SUSD4: variants seen among roughly 807,000 people sequenced by gnomAD.
SUSD4 encodes sushi domain-containing protein 4.
In SUSD4, 41 loss-of-function variants were observed where a neutral mutation model predicts 50.5. The ratio of observed to expected loss-of-function variants is 0.81; its 90% CI spans 0.63 to 1.05. The LOEUF is 1.05. Ranked by LOEUF, SUSD4 falls within the 50% of genes least tolerant of loss-of-function variation. The pLI, the probability that SUSD4 is intolerant of heterozygous loss-of-function variation, is 0.00. For synonymous variants in SUSD4, 257 were observed against 257.3 expected, an observed-to-expected ratio of 1.00 and a Z score of 0.01; for missense variants, 580 against 634.7, an observed-to-expected ratio of 0.91 and a Z score of 0.93.
chr1:223,297,347 T>C (rs950162095), intron 2 of SUSD4, among the ~76,000 whole-genome samples: 2 of 152,162 alleles, frequency 1.3e-5, no homozygotes, highest in Non-Finnish European at 2.9e-5. Context: ...ATTGTTGTAC[T>C]AAAATTTTAA....
intron 5 of SUSD4, among the ~76,000 whole-genome samples, chr1:223,234,441 T>A (rs1400293777): frequency 6.6e-6 from 1 of 152,210 alleles, no homozygotes; most frequent in African/African-American, 2.4e-5. Context: ...CTTGTACAGA[T>A]TCATAAACTC....
chr1:223,269,900 A>T (rs944722581), intron 3 of SUSD4, among the ~76,000 whole-genome samples: 2 of 152,150 alleles, frequency 1.3e-5, no homozygotes, highest in Admixed American at 6.5e-5. Flanking sequence ...GCTCTGAGGC[A>T]CTTGGCCCTG....
intron 2 of SUSD4, among the ~76,000 whole-genome samples, chr1:223,328,094 TAA>T (rs879707495): frequency 7.3e-6 from 1 of 136,644 alleles, no homozygotes; most frequent in Non-Finnish European, 1.6e-5. Context: ...TAGTGTTCTC[TAA>T]AAAAAAAAAA....
Position 223,260,014 on chromosome 1 carries a change from T to G in SUSD4, c.724+4616A>C, listed in dbSNP as rs537890956. Among the ~76,000 whole-genome samples the G allele has an allele frequency of 3.3e-5, 5 of 152,280 alleles. No individual in the cohort carries two copies. In the East Asian group the frequency reaches 9.6e-4, roughly 29 times the overall value. ...AGTGGAGACAGAAAAGACAGAAACATGCTACTATTGGTCTCTGGGGAAAAT... is the reference window on the plus strand; with the variant it reads ...AGTGGAGACAGAAAAGACAGAAACAGGCTACTATTGGTCTCTGGGGAAAAT... On this transcript the variant is annotated intron_variant, in intron 5 of 8. Coordinates refer to ENST00000366878, the MANE Select transcript of SUSD4 (RefSeq NM_017982.4).
intron 5 of SUSD4, among the ~76,000 whole-genome samples, chr1:223,246,785 T>G (rs140257452): frequency 6.0e-4 from 91 of 152,266 alleles, no homozygotes; most frequent in African/African-American, 2.1e-3. Flanking sequence ...GGGGCTGAGA[T>G]GAGAACTATG....
chr1:223,359,773 T>A (rs1668868911), intron 2 of SUSD4, among the ~76,000 whole-genome samples: 1 of 152,104 alleles, frequency 6.6e-6, no homozygotes. Flanking sequence ...GGAGCCCAAG[T>A]AAGGGAAGAA....
At chr1:223,278,431 T>C (rs370450925) in intron 3 of SUSD4, among the ~76,000 whole-genome samples, 24 of 152,184 alleles carry the variant, frequency 1.6e-4, no homozygotes, top group African/African-American at 5.1e-4. Context: ...CACGCATGAC[T>C]GGGAGGGTCC....
intron 5 of SUSD4, among the ~76,000 whole-genome samples, chr1:223,236,566 GTA>G (rs1660239357): frequency 4.2e-5 from 6 of 143,016 alleles, no homozygotes; most frequent in African/African-American, 1.6e-4. Context: ...TTTTGTTTTT[GTA>G]TGTGGATGCC....
chr1:223,296,112 G>A lies in SUSD4; in HGVS notation c.149-3461C>T, dbSNP rs561836033. Among the ~76,000 whole-genome samples the A allele has an allele frequency of 2.0e-4, 30 of 152,248 alleles. No individual in the cohort carries two copies. The South Asian group carries it at 6.2e-3, about 32-fold the overall frequency. ...ACAGCCAGTCTAGCACTTGTCTGAG[G>A]GCAGGCATTTGAGAACTGTGGAATT... On this transcript the variant is annotated intron_variant, in intron 2 of 8. Coordinates refer to ENST00000366878, the MANE Select transcript of SUSD4 (RefSeq NM_017982.4).
At chr1:223,287,641 A>G (rs1291684033) in intron 3 of SUSD4, among the ~76,000 whole-genome samples, 1 of 151,860 alleles carries the variant, frequency 6.6e-6, no homozygotes, top group Non-Finnish European at 1.5e-5. Flanking sequence ...CTTGTTTAAG[A>G]CTCTCACTTA....
At chr1:223,254,470 T>C (rs1359971589) in intron 5 of SUSD4, among the ~76,000 whole-genome samples, 3 of 152,138 alleles carry the variant, frequency 2.0e-5, no homozygotes, top group Non-Finnish European at 4.4e-5. Context: ...GGCAAGGTGC[T>C]GAGACAGGAG....
In SUSD4 at chr1:223,227,573, C is replaced by A; in HGVS notation, c.1061+21G>T. ...CATTGAGTCAGACCTTGAGCCACAG[C>A]TGCCAAGACATGACACTGACCTGGG... On this transcript the variant is annotated intron_variant, in intron 7 of 8. Coordinates refer to ENST00000366878, the MANE Select transcript of SUSD4 (RefSeq NM_017982.4). This position sits in a 1 kb window ranked among gnomAD's most constrained non-coding sequence, Gnocchi z 4.5. 1.2e-6 allele frequency: 2 copies of A among 1,609,550 alleles called. No homozygotes were observed. The highest frequency in any genetic ancestry group is 1.7e-6 in the Non-Finnish European group (2 of 1,176,396).
intron 2 of SUSD4, chr1:223,359,084 G>A: frequency 2.1e-6 from 1 of 471,146 alleles, no homozygotes; most frequent in Non-Finnish European, 4.4e-6. Context: ...GGTATGCAGA[G>A]AGGGCCGCTG....
At chr1:223,222,935 C>T (rs2102986143) in intron 8 of SUSD4, among the ~76,000 whole-genome samples, 1 of 152,302 alleles carries the variant, frequency 6.6e-6, no homozygotes, top group South Asian at 2.1e-4. Flanking sequence ...CCAGATCATA[C>T]AGACACCACA....
chr1:223,313,120 C>T (rs1222236516), intron 2 of SUSD4, among the ~76,000 whole-genome samples: 4 of 152,154 alleles, frequency 2.6e-5, no homozygotes, highest in East Asian at 1.9e-4. Flanking sequence ...CTGATGATCT[C>T]CAGATAGTTT....
chr1:223,300,970 G>C (rs1403049535), intron 2 of SUSD4, among the ~76,000 whole-genome samples: 2 of 152,266 alleles, frequency 1.3e-5, no homozygotes, highest in East Asian at 3.9e-4. Context: ...AGCAATCTTT[G>C]GGGTTATTCT....
chr1:223,265,185 G>T (rs1662406408), intron 4 of SUSD4, among the ~76,000 whole-genome samples: 2 of 152,198 alleles, frequency 1.3e-5, no homozygotes, highest in Non-Finnish European at 2.9e-5. Flanking sequence ...CCATGCCCAG[G>T]CTCTGAGGAC....
At chr1:223,262,310 A>G (rs761268531) in intron 5 of SUSD4, among the ~76,000 whole-genome samples, 12 of 152,230 alleles carry the variant, frequency 7.9e-5, no homozygotes, top group South Asian at 2.1e-4. Flanking sequence ...CCCTTAGAGC[A>G]TCATAATTCC....
At chr1:223,252,362 G>A (rs1355614723) in intron 5 of SUSD4, among the ~76,000 whole-genome samples, 3 of 151,778 alleles carry the variant, frequency 2.0e-5, no homozygotes, top group Non-Finnish European at 2.9e-5. Flanking sequence ...ATGAAGCGGC[G>A]ACAAGCCATC....
Sources: gnomAD v4.1 joint callset for allele counts (sites outside exome capture counted in the v4.1 genomes callset) on GRCh38, gnomAD v4.1.1 for gene constraint, Gnocchi (gnomAD v3.1) non-coding constraint, MANE v1.5 for transcripts, NCBI Gene and HGNC (gene_info 2026-07-23, HGNC 2026-07-21) for gene names.